Variants in GPR176 observed in about 807,000 individuals in gnomAD.
GPR176 encodes the protein G protein-coupled receptor 176.
GPR176 carries 26 observed loss-of-function variants against 35.4 expected under a neutral mutation model. The observed-to-expected ratio is 0.74, with a 90% CI of 0.54 to 1.02. The LOEUF (loss-of-function observed/expected upper bound fraction) is 1.02, where lower values mean the gene tolerates loss of function less well. Among genes scored for constraint, GPR176 ranks in the 50% least tolerant of loss-of-function variants. GPR176 has a pLI of 0.00. For missense variants in GPR176, 597 were observed against 665.3 expected (o/e 0.90, Z 1.13); for synonymous variants, 278 against 271.3 (o/e 1.02, Z -0.24).
intron 1 of GPR176, among the ~76,000 whole-genome samples, chr15:39,895,379 C>A (rs908153298): frequency 2.1e-4 from 32 of 152,148 alleles, no homozygotes; most frequent in African/African-American, 7.7e-4. Flanking sequence ...ACATTGAATT[C>A]AAGCATTTGT....
intron 1 of GPR176, chr15:39,862,291 G>A (rs2031631455): frequency 6.6e-6 from 1 of 152,192 alleles, no homozygotes; most frequent in African/African-American, 2.4e-5. Context: ...TTACCTGTAA[G>A]AATATAAGGT....
intron 1 of GPR176, among the ~76,000 whole-genome samples, chr15:39,901,117 G>A (rs1474305623): frequency 1.3e-5 from 2 of 151,988 alleles, no homozygotes; most frequent in Non-Finnish European, 1.5e-5. Flanking sequence ...ATAGAATATG[G>A]AATGATATGA....
chr15:39,802,067 A>C lies in GPR176; in HGVS notation c.613T>G (p.Tyr205Asp). The C allele has an allele frequency of 1.2e-6, 2 of 1,614,128 alleles. No homozygotes were observed. The highest frequency in any genetic ancestry group is 1.7e-6 in the Non-Finnish European group (2 of 1,179,998). Residue 205 changes from tyrosine (Y) to aspartate (D), a missense_variant, in exon 3 of 3, where the codon TAC (tyrosine) becomes GAC (aspartate). By Grantham distance (160) the Tyr-to-Asp change is radical. Coordinates refer to ENST00000561100, the MANE Select transcript of GPR176 (RefSeq NM_007223.3). Reference sequence around the variant, plus strand: ...GTGGTGATGTTATACACCAGAACGTACACCAGGTGGCCCAAGGAGTTGCTC... The same window carrying C: ...GTGGTGATGTTATACACCAGAACGTCCACCAGGTGGCCCAAGGAGTTGCTC... ...VWSNSLGHLV[Y>D]VLVYNITTVI...
chr15:39,848,293 T>A (rs1211026030), intron 1 of GPR176, among the ~76,000 whole-genome samples: 1 of 152,164 alleles, frequency 6.6e-6, no homozygotes, highest in Non-Finnish European at 1.5e-5. Context: ...TAAATGTATA[T>A]GCATCAAACA....
chr15:39,801,921 A>C lies in GPR176; in HGVS notation c.759T>G (p.Ser253=). The part of the protein sequence containing the change: ...AALRTPQNTI[S]IPYASQREAE... ...CCTCCCGCTGGGAGGCATAGGGAATAGAGATGGTGTTCTGTGGGGTCCGGA... is the reference window on the plus strand; with the variant it reads ...CCTCCCGCTGGGAGGCATAGGGAATCGAGATGGTGTTCTGTGGGGTCCGGA... Residue 253 remains serine, a synonymous_variant, in exon 3 of 3, where the codon TCT becomes TCG. Coordinates refer to ENST00000561100, the MANE Select transcript of GPR176 (RefSeq NM_007223.3). The C allele has an allele frequency of 1.9e-6, 3 of 1,613,894 alleles. No individual in the cohort carries two copies. Among genetic ancestry groups the C allele is most frequent in the Non-Finnish European group, 2.5e-6 (3 of 1,179,802 alleles).
At chr15:39,835,778 G>A (rs1005643598) in intron 1 of GPR176, among the ~76,000 whole-genome samples, 44 of 152,092 alleles carry the variant, frequency 2.9e-4, no homozygotes, top group Non-Finnish European at 2.6e-4. Flanking sequence ...CTTTATTCTG[G>A]AAAACAATGT....
At chr15:39,833,179 G>A (rs1169728583) in intron 1 of GPR176, among the ~76,000 whole-genome samples, 1 of 152,050 alleles carries the variant, frequency 6.6e-6, no homozygotes, top group African/African-American at 2.4e-5. Flanking sequence ...AGGAAAACAT[G>A]TCCACATAGA....
At chr15:39,886,446 T>G (rs907798091) in intron 1 of GPR176, among the ~76,000 whole-genome samples, 3 of 152,126 alleles carry the variant, frequency 2.0e-5, no homozygotes, top group African/African-American at 7.2e-5. Context: ...CCATCTTGAT[T>G]TTCACATCTA....
chr15:39,827,661 A>G (rs1900767469), intron 1 of GPR176, among the ~76,000 whole-genome samples: 1 of 152,136 alleles, frequency 6.6e-6, no homozygotes. Context: ...GTAGATTGCT[A>G]CAGATATCTG....
intron 2 of GPR176, among the ~76,000 whole-genome samples, chr15:39,806,519 G>A (rs1264610000): frequency 6.6e-6 from 1 of 152,170 alleles, no homozygotes; most frequent in Non-Finnish European, 1.5e-5. Flanking sequence ...GCAATATGAA[G>A]CCTTGGAAAT....
rs1898913674 is a variant in GPR176 at position 39,802,059 on chromosome 15, C to T, written c.621G>A (p.Leu207=). 1 of 1,614,026 alleles carries T rather than the reference C, an allele frequency of 6.2e-7. No individual in the cohort carries two copies. The highest frequency in any genetic ancestry group is 8.5e-7 in the Non-Finnish European group (1 of 1,180,014). ...CAATGACCGTGGTGATGTTATACAC[C>T]AGAACGTACACCAGGTGGCCCAAGG... The part of the protein sequence containing the change: ...SNSLGHLVYV[L]VYNITTVIVP... The change falls in exon 3 of 3, where the codon CTG becomes CTA. Residue 207 remains leucine (L), a synonymous_variant. Transcript: ENST00000561100.
rs1233505742 is a variant in GPR176 at position 39,799,163 on chromosome 15, A to G, written c.*1969T>C. 1 of 152,272 alleles carries G rather than the reference A, an allele frequency of 6.6e-6. No homozygotes were observed. Among genetic ancestry groups the G allele is most frequent in the African/African-American group, 2.4e-5 (1 of 41,476 alleles). 9.4% of individuals were successfully genotyped at this position (152,272 alleles called of 1,614,324 possible). On this transcript the variant is annotated 3_prime_UTR_variant, in exon 3 of 3. Coordinates refer to ENST00000561100, the MANE Select transcript of GPR176 (RefSeq NM_007223.3). ...AGATTCTGCCTCATCAAAATTTATTAAGTTGTACATATACAGTATATTATC... is the reference window on the plus strand; with the variant it reads ...AGATTCTGCCTCATCAAAATTTATTGAGTTGTACATATACAGTATATTATC...
At chr15:39,824,079 C>T (rs984915302) in intron 1 of GPR176, among the ~76,000 whole-genome samples, 1 of 152,196 alleles carries the variant, frequency 6.6e-6, no homozygotes, top group Non-Finnish European at 1.5e-5. Context: ...TGAGTTCTCA[C>T]TCTGGTGGTT....
At chr15:39,818,682 T>C (rs1900074379) in intron 1 of GPR176, among the ~76,000 whole-genome samples, 1 of 152,312 alleles carries the variant, frequency 6.6e-6, no homozygotes, top group Non-Finnish European at 1.5e-5. Flanking sequence ...AACAAAACTA[T>C]TTCAGCGACC....
chr15:39,861,415 C>T (rs754989362), intron 1 of GPR176, among the ~76,000 whole-genome samples: 1 of 151,756 alleles, frequency 6.6e-6, no homozygotes, highest in Non-Finnish European at 1.5e-5. Flanking sequence ...CTGGGCATAG[C>T]GGTATGCACC....
At chr15:39,863,165 T>C (rs1192636005) in intron 1 of GPR176, among the ~76,000 whole-genome samples, 1 of 151,676 alleles carries the variant, frequency 6.6e-6, no homozygotes, top group Non-Finnish European at 1.5e-5. Flanking sequence ...GTTCATGCCA[T>C]TCTCCTGGGT....
intron 1 of GPR176, among the ~76,000 whole-genome samples, chr15:39,918,323 G>C (rs1223486802): frequency 3.9e-5 from 6 of 152,094 alleles, no homozygotes; most frequent in Non-Finnish European, 8.8e-5. Context: ...TACTTCAATA[G>C]TACTCAAATT....
chr15:39,897,755 A>G (rs1166337359), intron 1 of GPR176, among the ~76,000 whole-genome samples: 1 of 152,170 alleles, frequency 6.6e-6, no homozygotes, highest in African/African-American at 2.4e-5. Context: ...TTTTTAAAAA[A>G]TTATTTGGCC....
intron 1 of GPR176, among the ~76,000 whole-genome samples, chr15:39,872,188 T>C (rs202232285): frequency 9.7e-5 from 8 of 82,322 alleles, no homozygotes; most frequent in South Asian, 6.2e-4. Context: ...AGTTGTATAA[T>C]AGAGAGATAA....
Sources: allele counts gnomAD v4.1 joint callset (sites outside exome capture counted in the v4.1 genomes callset), GRCh38; gene constraint gnomAD v4.1.1; transcripts MANE v1.5; gene names NCBI Gene and HGNC (gene_info 2026-07-23, HGNC 2026-07-21).